TCF4: variants seen among roughly 807,000 people sequenced by gnomAD.
TCF4 encodes transcription factor 4, also known as SL3-3 enhancer factor 2.
TCF4 carries 3 observed loss-of-function variants against 82.1 expected under a neutral mutation model. The observed-to-expected ratio is 0.04, with a 90% CI of 0.02 to 0.09. TCF4 has a LOEUF of 0.09. Ranked by LOEUF, TCF4 falls within the 10% of genes least tolerant of loss-of-function variation. The pLI, the probability that TCF4 is intolerant of heterozygous loss-of-function variation, is 1.00. For synonymous variants in TCF4, 276 were observed against 309.6 expected (o/e 0.89, Z 1.14); for missense variants, 518 against 852.7 (o/e 0.61, Z 4.89).
intron 6 of TCF4, chr18:55,401,917 C>G (rs2093843565): frequency 2.4e-6 from 2 of 848,238 alleles, no homozygotes; most frequent in Admixed American, 1.2e-4. Flanking sequence ...CCCCAAAACT[C>G]TAATGACCTC....
At chr18:55,249,004 T>A (rs1371945763) in intron 15 of TCF4, among the ~76,000 whole-genome samples, 2 of 152,156 alleles carry the variant, frequency 1.3e-5, no homozygotes, top group East Asian at 3.9e-4. Flanking sequence ...CTCGGCCTCC[T>A]AAATTGCTGG....
intron 8 of TCF4, among the ~76,000 whole-genome samples, chr18:55,282,128 C>T (rs1270068230): frequency 6.6e-6 from 1 of 151,914 alleles, no homozygotes; most frequent in Non-Finnish European, 1.5e-5. Flanking sequence ...GATACTTTAT[C>T]ATTCTTACCT....
At chr18:55,297,829 A>G (rs1390710764) in intron 8 of TCF4, among the ~76,000 whole-genome samples, 1 of 152,186 alleles carries the variant, frequency 6.6e-6, no homozygotes, top group East Asian at 1.9e-4. Context: ...CAGTTTGAGT[A>G]TCCCTACATT....
intron 6 of TCF4, among the ~76,000 whole-genome samples, chr18:55,372,391 G>A (rs1393926483): frequency 6.6e-6 from 1 of 151,984 alleles, no homozygotes; most frequent in East Asian, 1.9e-4. Flanking sequence ...TACATACATG[G>A]AGCTGGAGTG....
intron 3 of TCF4, among the ~76,000 whole-genome samples, chr18:55,542,387 G>A (rs1191414085): frequency 1.3e-5 from 2 of 151,788 alleles, no homozygotes; most frequent in East Asian, 3.9e-4. Flanking sequence ...CTGTATCTTA[G>A]GTACTGAATT....
At chr18:55,376,496 C>T (rs529880453) in intron 6 of TCF4, among the ~76,000 whole-genome samples, 25 of 152,238 alleles carry the variant, frequency 1.6e-4, no homozygotes, top group African/African-American at 5.5e-4. Flanking sequence ...CAGAGTCTGA[C>T]CTCCAACCCA....
rs35255242 is a variant in TCF4, at chr18:55,429,764, C to CAAAA, written c.305-26250_305-26247dup. ...TGGGGGACAGAGCAAGACTCCATCT[C>CAAAA]AAAAAAAAAAAAAAAAAAAAAAAAA... On this transcript the variant is annotated intron_variant, in intron 5 of 19. Coordinates refer to ENST00000354452, the MANE Select transcript of TCF4 (RefSeq NM_001083962.2). Among the ~76,000 whole-genome samples the CAAAA allele has an allele frequency of 6.6e-3, 375 of 56,860 alleles. 33 individuals carry two copies. The highest frequency in any genetic ancestry group is 0.031 in the Middle Eastern group (1 of 32). 37.3% of individuals were successfully genotyped at this position (56,860 alleles called of 152,430 possible).
intron 3 of TCF4, among the ~76,000 whole-genome samples, chr18:55,518,184 C>G (rs1346908749): frequency 6.6e-6 from 1 of 152,060 alleles, no homozygotes; most frequent in East Asian, 1.9e-4. Flanking sequence ...TGGAGTTTAT[C>G]TTCCTTACAT....
chr18:55,627,378 A>G (rs530310777), intron 2 of TCF4, among the ~76,000 whole-genome samples: 4 of 152,106 alleles, frequency 2.6e-5, no homozygotes, highest in Non-Finnish European at 5.9e-5. Flanking sequence ...ACATACATGA[A>G]AAAAAGTCTC....
intron 6 of TCF4, among the ~76,000 whole-genome samples, chr18:55,368,490 A>G (rs2087899224): frequency 6.6e-6 from 1 of 152,212 alleles, no homozygotes; most frequent in South Asian, 2.1e-4. Context: ...CATACACTGC[A>G]AACAAACTTG....
At chr18:55,531,724 A>G (rs2097065412) in intron 3 of TCF4, among the ~76,000 whole-genome samples, 1 of 152,236 alleles carries the variant, frequency 6.6e-6, no homozygotes, top group South Asian at 2.1e-4. Context: ...ATACCAATAA[A>G]GCCTAGAAAA....
intron 3 of TCF4, among the ~76,000 whole-genome samples, chr18:55,530,626 G>C (rs1262276627): frequency 1.3e-5 from 2 of 151,496 alleles, no homozygotes; most frequent in Non-Finnish European, 2.9e-5. Context: ...AAGTTTTTTT[G>C]AAAGTTGCAA....
intron 3 of TCF4, among the ~76,000 whole-genome samples, chr18:55,580,772 G>A (rs1426303968): frequency 6.7e-6 from 1 of 150,090 alleles, no homozygotes; most frequent in Non-Finnish European, 1.5e-5. Context: ...GTGTGTGTGT[G>A]TGTGTGTATA....
chr18:55,505,869 C>G (rs2096753845), intron 3 of TCF4, among the ~76,000 whole-genome samples: 1 of 150,748 alleles, frequency 6.6e-6, no homozygotes, highest in Non-Finnish European at 1.5e-5. Flanking sequence ...ACCTTCAAAT[C>G]TGGGAAACAT....
chr18:55,254,746 G>T (rs1327707689), intron 14 of TCF4, 46 bp from the exon 15 acceptor site: 21 of 1,546,878 alleles, frequency 1.4e-5, no homozygotes, highest in Non-Finnish European at 1.8e-5. Context: ...TTCAAAAGGG[G>T]TGCCTAAATT....
intron 6 of TCF4, among the ~76,000 whole-genome samples, chr18:55,376,117 G>T (rs2090679192): frequency 4.0e-5 from 6 of 150,142 alleles, no homozygotes; most frequent in Admixed American, 3.3e-4. Context: ...CACCCCCAGG[G>T]CTCAAGGGAT....
chr18:55,621,127 CT>C (rs1365734822), intron 2 of TCF4, among the ~76,000 whole-genome samples: 1 of 151,708 alleles, frequency 6.6e-6, no homozygotes, highest in Non-Finnish European at 1.5e-5. Flanking sequence ...AACCCAGACT[CT>C]ATCTTACATT....
intron 3 of TCF4, among the ~76,000 whole-genome samples, chr18:55,552,994 C>G (rs1212194978): frequency 6.6e-6 from 1 of 152,128 alleles, no homozygotes; most frequent in South Asian, 2.1e-4. Flanking sequence ...ATAGGAAGAA[C>G]AGAAACCACA....
At chr18:55,554,380 CTAGTTTTATTAA>C (rs1337147438) in intron 3 of TCF4, among the ~76,000 whole-genome samples, 1 of 151,978 alleles carries the variant, frequency 6.6e-6, no homozygotes, top group East Asian at 1.9e-4. Context: ...TAATAAAACA[CTAGTTTTATTAA>C]TAAGGGTACA....
Sources: allele counts gnomAD v4.1 joint callset (sites outside exome capture counted in the v4.1 genomes callset), GRCh38; gene constraint gnomAD v4.1.1; transcripts MANE v1.5; gene names NCBI Gene and HGNC (gene_info 2026-07-23, HGNC 2026-07-21).